The following CTNNA2 variants were observed in gnomAD, a reference collection of about 807,000 sequenced individuals.
CTNNA2 encodes the protein catenin alpha 2, also known as catenin alpha-2.
A neutral mutation model predicts 101.0 loss-of-function variants in CTNNA2; 42 were observed. That is an observed-to-expected ratio of 0.42 (90% confidence interval 0.32 to 0.54). The LOEUF is 0.54. Ranked by LOEUF, CTNNA2 falls within the 20% of genes least tolerant of loss-of-function variation. The pLI is 0.14. For missense variants in CTNNA2, 871 were observed against 1,223.1 expected (o/e 0.71, Z 4.29); for synonymous variants, 450 against 456.4 (o/e 0.99, Z 0.18).
At chr2:79,750,687 A>C (rs1272026503) in intron 3 of CTNNA2, among the ~76,000 whole-genome samples, 2 of 152,080 alleles carry the variant, frequency 1.3e-5, no homozygotes, top group Non-Finnish European at 2.9e-5. Flanking sequence ...ACAGTGAAAG[A>C]GAAGTCTGGT....
chr2:79,583,969 C>CTTGGTTAT (rs1473722444), intron 1 of CTNNA2, among the ~76,000 whole-genome samples: 1 of 152,064 alleles, frequency 6.6e-6, no homozygotes, highest in African/African-American at 2.4e-5. Flanking sequence ...GCTTGTAACA[C>CTTGGTTAT]TTGGTTATAT....
chr2:79,739,398 T>G (rs974727590), intron 2 of CTNNA2, among the ~76,000 whole-genome samples: 7 of 152,226 alleles, frequency 4.6e-5, no homozygotes, highest in African/African-American at 1.4e-4. Flanking sequence ...ACATTTGCCT[T>G]TTATTTCTGG....
At chr2:79,794,967 G>A (rs1203813105) in intron 3 of CTNNA2, among the ~76,000 whole-genome samples, 1 of 152,184 alleles carries the variant, frequency 6.6e-6, no homozygotes, top group Non-Finnish European at 1.5e-5. Context: ...CAGGACAATA[G>A]TACAACTGGA....
chr2:80,220,718 C>T (rs1348220390), intron 7 of CTNNA2, among the ~76,000 whole-genome samples: 1 of 152,166 alleles, frequency 6.6e-6, no homozygotes, highest in Non-Finnish European at 1.5e-5. Context: ...AGGAGCCCAC[C>T]ATATGTGTGC....
chr2:79,555,640 T>C (rs1365689684), intron 1 of CTNNA2, among the ~76,000 whole-genome samples: 1 of 152,146 alleles, frequency 6.6e-6, no homozygotes, highest in Non-Finnish European at 1.5e-5. Context: ...ATGAACAGAA[T>C]TCTGACTAGA....
chr2:79,260,559 A>G (rs545760747), intron 2 of CTNNA2, among the ~76,000 whole-genome samples: 1 of 152,346 alleles, frequency 6.6e-6, no homozygotes, highest in Admixed American at 6.5e-5. Flanking sequence ...AGATAATTCT[A>G]GAGCCACAGT....
At chr2:80,504,960 G>T (rs1280537954) in intron 9 of CTNNA2, among the ~76,000 whole-genome samples, 2 of 152,166 alleles carry the variant, frequency 1.3e-5, no homozygotes, top group Middle Eastern at 3.2e-3. Flanking sequence ...ACGATGAACT[G>T]CAGGTGCTGG....
chr2:79,725,376 C>G (rs942824817), intron 2 of CTNNA2, among the ~76,000 whole-genome samples: 1 of 152,186 alleles, frequency 6.6e-6, no homozygotes, highest in African/African-American at 2.4e-5. Context: ...TAGGTTAATA[C>G]CATTGTTCAA....
chr2:80,604,879 G>A (rs1325793960), intron 16 of CTNNA2, among the ~76,000 whole-genome samples: 1 of 151,898 alleles, frequency 6.6e-6, no homozygotes, highest in African/African-American at 2.4e-5. Context: ...AGATCAAAGG[G>A]CAGAAACAGG....
At chr2:79,565,594 G>T (rs1675060912) in intron 1 of CTNNA2, among the ~76,000 whole-genome samples, 1 of 152,158 alleles carries the variant, frequency 6.6e-6, no homozygotes, top group Admixed American at 6.6e-5. Context: ...AATTATTCAG[G>T]AGGTAGATAG....
intron 18 of CTNNA2, among the ~76,000 whole-genome samples, chr2:80,640,380 GAGAA>G (rs1673335118): frequency 6.6e-6 from 1 of 152,156 alleles, no homozygotes; most frequent in African/African-American, 2.4e-5. Context: ...TTTGTTTGAT[GAGAA>G]AGAGTGAGTA....
intron 2 of CTNNA2, among the ~76,000 whole-genome samples, chr2:79,280,886 C>A (rs1675359572): frequency 6.6e-6 from 1 of 151,976 alleles, no homozygotes; most frequent in Non-Finnish European, 1.5e-5. Flanking sequence ...AGGCCAGAAC[C>A]AATGACACAC....
At chr2:79,822,862 G>A (rs1161617796) in intron 3 of CTNNA2, among the ~76,000 whole-genome samples, 1 of 152,100 alleles carries the variant, frequency 6.6e-6, no homozygotes, top group Non-Finnish European at 1.5e-5. Context: ...TATATGATCT[G>A]CCTGCTCTCC....
chr2:79,687,592 A>G lies in CTNNA2; in HGVS notation c.102+35934A>G, dbSNP rs1011542316. The G allele has an allele frequency of 7.1e-6, 5 of 706,934 alleles. No individual in the cohort carries two copies. The East Asian group carries it at 1.1e-4, about 15-fold the overall frequency. 43.8% of individuals were successfully genotyped at this position (706,934 alleles called of 1,614,324 possible). A position where few individuals can be genotyped will look rare whatever the true frequency, so the allele number is the denominator to read the frequency against. ...ATTTTTTTTTCCACCGGATATTTCAAATGAAAATCACATAAATCTGTATTG... is the reference window on the plus strand; with the variant it reads ...ATTTTTTTTTCCACCGGATATTTCAGATGAAAATCACATAAATCTGTATTG... On this transcript the variant is annotated intron_variant, in intron 2 of 18. Transcript: ENST00000402739.
intron 7 of CTNNA2, chr2:80,162,965 A>G (rs1704425712): frequency 1.9e-6 from 3 of 1,542,076 alleles, no homozygotes; most frequent in Admixed American, 1.7e-5. Context: ...GCAAACTGAC[A>G]TCTTGCGAGG....
chr2:80,395,188 G>GCT (rs1458601336), intron 8 of CTNNA2, among the ~76,000 whole-genome samples: 5 of 152,188 alleles, frequency 3.3e-5, no homozygotes. Context: ...TAGGTGACAA[G>GCT]CTCCTTGGAG....
chr2:80,115,735 C>A (rs1420175533), intron 7 of CTNNA2, among the ~76,000 whole-genome samples: 1 of 151,990 alleles, frequency 6.6e-6, no homozygotes, highest in East Asian at 1.9e-4. Flanking sequence ...ATGTGCAGAG[C>A]ACAGCCACGT....
intron 2 of CTNNA2, among the ~76,000 whole-genome samples, chr2:79,208,825 A>C (rs1674133376): frequency 6.6e-6 from 1 of 152,234 alleles, no homozygotes; most frequent in South Asian, 2.1e-4. Flanking sequence ...ATTGCAGAGA[A>C]GTGCAAATAT....
At chr2:79,561,207 T>C (rs1264383956) in intron 1 of CTNNA2, among the ~76,000 whole-genome samples, 2 of 151,956 alleles carry the variant, frequency 1.3e-5, no homozygotes, top group Non-Finnish European at 2.9e-5. Context: ...CTTCTTTCCT[T>C]TAGCCTCCTA....
Sources: allele counts gnomAD v4.1 joint callset (sites outside exome capture counted in the v4.1 genomes callset), GRCh38; gene constraint gnomAD v4.1.1; transcripts MANE v1.5; gene names NCBI Gene and HGNC (gene_info 2026-07-23, HGNC 2026-07-21).